The following ST7 variants were observed in gnomAD, a reference collection of about 807,000 sequenced individuals.
ST7 encodes suppressor of tumorigenicity 7 protein.
Under a neutral mutation model 78.7 loss-of-function variants are expected in ST7, and 28 were observed. The ratio of observed to expected loss-of-function variants is 0.36; its 90% CI spans 0.26 to 0.49. The LOEUF is 0.49. Among genes scored for constraint, ST7 ranks in the 20% least tolerant of loss-of-function variants. The pLI, the probability that ST7 is intolerant of heterozygous loss-of-function variation, is 0.99. For synonymous variants in ST7, 247 were observed against 249.6 expected (o/e 0.99, Z 0.10); for missense variants, 418 against 696.0 (o/e 0.60, Z 4.49).
chr7:117,081,606 T>C (rs1315803356), intron 1 of ST7, among the ~76,000 whole-genome samples: 4 of 152,186 alleles, frequency 2.6e-5, no homozygotes, highest in Admixed American at 6.5e-5. Flanking sequence ...ATGAAACCAG[T>C]ACTCTAAAGT....
Position 116,974,059 on chromosome 7 carries a change from A to G in ST7, c.151+20368A>G, listed in dbSNP as rs114703959. Among the ~76,000 whole-genome samples, 1,480 of 152,172 alleles carry G rather than the reference A, an allele frequency of 9.7e-3. 31 individuals carry two copies. Among genetic ancestry groups the G allele is most frequent in the African/African-American group, 0.034 (1,399 of 41,502 alleles). On this transcript the variant is annotated intron_variant, in intron 1 of 15. Transcript: ENST00000323984. ...AAATGCCAGCAGGAGGAATATTTTC[A>G]ATTATTGATTGGGAGAGCCTTATTG...
chr7:117,222,069 G>T lies in ST7; in HGVS notation c.1638+7G>T. ...GGGGGTCTTCGCAAAAGCTGTGAGT[G>T]TTTGCCTAGAGGGAGGCCTTGGGGA... On this transcript the variant is annotated splice_region_variant and intron_variant, in intron 15 of 15. Transcript: ENST00000323984. 1 of 1,603,528 alleles carries T rather than the reference G, an allele frequency of 6.2e-7. No individual in the cohort carries two copies.
chr7:117,223,063 C>G, intron 15 of ST7: 2 of 983,696 alleles, frequency 2.0e-6, no homozygotes, highest in Non-Finnish European at 3.2e-6. Context: ...GTTGCTCAAG[C>G]CGGAAACTCG....
chr7:117,224,771 G>A (rs918288604), intron 15 of ST7, among the ~76,000 whole-genome samples: 2 of 152,168 alleles, frequency 1.3e-5, no homozygotes, highest in Non-Finnish European at 2.9e-5. Context: ...AGCATATTCT[G>A]AGGATGGAGA....
intron 2 of ST7, among the ~76,000 whole-genome samples, chr7:117,115,724 A>G (rs967652958): frequency 6.6e-6 from 1 of 151,528 alleles, no homozygotes; most frequent in Admixed American, 6.6e-5. Flanking sequence ...CTTTCCCACC[A>G]TCAGTTTCTC....
At chr7:117,130,739 C>A in intron 5 of ST7, 133 bp downstream of exon 5, 1 of 562,904 alleles carries the variant, frequency 1.8e-6, no homozygotes, top group East Asian at 3.2e-5. Flanking sequence ...CTAATAAGAA[C>A]CCAGAACTCT....
intron 2 of ST7, among the ~76,000 whole-genome samples, chr7:117,119,026 G>A (rs576961782): frequency 2.4e-4 from 37 of 152,228 alleles, no homozygotes; most frequent in Non-Finnish European, 4.7e-4. Flanking sequence ...TGTGGGAAAC[G>A]GGATACAGCT....
chr7:117,170,779 TA>T (rs1807931760), intron 9 of ST7, 82 bp from the exon 10 acceptor site: 2 of 500,122 alleles, frequency 4.0e-6, no homozygotes, highest in East Asian at 8.3e-5. Context: ...ATATATACAA[TA>T]AATATATATA....
At chr7:117,034,305 G>C (rs1021175282) in intron 1 of ST7, among the ~76,000 whole-genome samples, 1 of 152,086 alleles carries the variant, frequency 6.6e-6, no homozygotes, top group Admixed American at 6.6e-5. Flanking sequence ...GCTACCTACT[G>C]TTATTAGGTA....
At chr7:117,153,060 A>G (rs1584480436) in intron 9 of ST7, among the ~76,000 whole-genome samples, 1 of 152,210 alleles carries the variant, frequency 6.6e-6, no homozygotes, top group African/African-American at 2.4e-5. Context: ...GGTAGAGTTG[A>G]GAGAAGTTGG....
chr7:117,222,894 G>T (rs1416085692), intron 15 of ST7: 1 of 1,614,098 alleles, frequency 6.2e-7, no homozygotes, highest in Non-Finnish European at 8.5e-7. Flanking sequence ...AGAGTTCAGG[G>T]ACTGGAATTG....
intron 1 of ST7, chr7:116,972,643 C>T (rs1793485918): frequency 1.7e-6 from 2 of 1,199,618 alleles, no homozygotes; most frequent in South Asian, 1.2e-5. Flanking sequence ...AAACTTCATA[C>T]CTCTCTCACT....
chr7:117,049,874 T>C (rs1797681276), intron 1 of ST7, among the ~76,000 whole-genome samples: 1 of 152,102 alleles, frequency 6.6e-6, no homozygotes, highest in Non-Finnish European at 1.5e-5. Context: ...CATGGTGTTA[T>C]TAAAGATTTA....
intron 3 of ST7, among the ~76,000 whole-genome samples, chr7:117,120,735 A>G (rs1563097640): frequency 6.6e-6 from 1 of 152,154 alleles, no homozygotes; most frequent in East Asian, 1.9e-4. Context: ...TTAGCAACAC[A>G]TCAAATTACA....
chr7:117,091,482 A>G (rs1330177108), intron 1 of ST7, among the ~76,000 whole-genome samples: 2 of 152,206 alleles, frequency 1.3e-5, no homozygotes, highest in South Asian at 2.1e-4. Flanking sequence ...CTCAGCATCT[A>G]CTTTAGTATT....
intron 10 of ST7, chr7:117,187,667 G>T (rs552370286): frequency 2.0e-5 from 3 of 152,256 alleles, no homozygotes; most frequent in African/African-American, 4.8e-5. Context: ...GATCTTTCTT[G>T]TTGGGCAGCT....
chr7:117,201,191 C>T (rs570686322), intron 12 of ST7, among the ~76,000 whole-genome samples: 2 of 152,084 alleles, frequency 1.3e-5, no homozygotes, highest in South Asian at 2.1e-4. Flanking sequence ...AATATTATTT[C>T]GATATAAGTT....
intron 1 of ST7, among the ~76,000 whole-genome samples, chr7:116,984,925 A>G (rs1341864231): frequency 3.3e-5 from 5 of 152,224 alleles, no homozygotes; most frequent in Non-Finnish European, 7.3e-5. Flanking sequence ...TGGGTCCTGT[A>G]TAAGAACTGC....
At chr7:117,228,077 T>A (rs1165607853) in intron 15 of ST7, among the ~76,000 whole-genome samples, 2 of 152,234 alleles carry the variant, frequency 1.3e-5, no homozygotes, top group African/African-American at 4.8e-5. Flanking sequence ...TCTCTTTGAC[T>A]GTTTATTGAG....
Sources: allele counts gnomAD v4.1 joint callset (sites outside exome capture counted in the v4.1 genomes callset), GRCh38; gene constraint gnomAD v4.1.1; transcripts MANE v1.5; gene names NCBI Gene and HGNC (gene_info 2026-07-23, HGNC 2026-07-21).